The following CADPS variants were observed in gnomAD, a reference collection of about 807,000 sequenced individuals.
The protein encoded by CADPS is calcium dependent secretion activator.
Under a neutral mutation model 167.3 loss-of-function variants are expected in CADPS, and 57 were observed. That is an observed-to-expected ratio of 0.34 (90% CI 0.28 to 0.42). The LOEUF (loss-of-function observed/expected upper bound fraction) is 0.42, where lower values mean the gene tolerates loss of function less well. CADPS is among the 20% of genes least tolerant of loss of function. CADPS has a pLI of 1.00. For missense variants in CADPS, 1,414 were observed against 1,738.1 expected (o/e 0.81, Z 3.32); for synonymous variants, 676 against 635.3 (o/e 1.06, Z -0.96).
chr3:62,686,302 A>T (rs1274154126), intron 3 of CADPS, among the ~76,000 whole-genome samples: 3 of 152,080 alleles, frequency 2.0e-5, no homozygotes, highest in Non-Finnish European at 2.9e-5. Flanking sequence ...GTCTTCCTGC[A>T]GAGGGAAAAC....
intron 3 of CADPS, among the ~76,000 whole-genome samples, chr3:62,746,608 G>A (rs139856705): frequency 3.3e-5 from 5 of 152,236 alleles, no homozygotes; most frequent in African/African-American, 1.2e-4. Flanking sequence ...AAAGTGTTGG[G>A]ATTTCAGATG....
At chr3:62,716,660 A>G (rs1266548278) in intron 3 of CADPS, among the ~76,000 whole-genome samples, 1 of 152,228 alleles carries the variant, frequency 6.6e-6, no homozygotes, top group Admixed American at 6.5e-5. Context: ...CAGAGCAATG[A>G]CATGATCTTT....
intron 6 of CADPS, among the ~76,000 whole-genome samples, chr3:62,615,033 T>A (rs2062043433): frequency 6.6e-6 from 1 of 152,106 alleles, no homozygotes; most frequent in Non-Finnish European, 1.5e-5. Flanking sequence ...GGATGAAAAT[T>A]TGTCAAGGAT....
intron 3 of CADPS, among the ~76,000 whole-genome samples, chr3:62,693,797 A>AG (rs1460050605): frequency 6.6e-6 from 1 of 151,502 alleles, no homozygotes; most frequent in Non-Finnish European, 1.5e-5. Context: ...AAAAAAAAAA[A>AG]AAATTCTATT....
rs770612388 is a variant in CADPS at position 62,766,005 on chromosome 3, G to A, written c.442-21C>T. ...CTGATCTGTAAGAAACAGAAAAAGA[G>A]GGAAATGTGAGAACTTGTCCTAGAC... On this transcript the variant is annotated intron_variant, in intron 1 of 29. Coordinates refer to ENST00000383710, the MANE Select transcript of CADPS (RefSeq NM_003716.4). 5 of 1,543,634 alleles carry A rather than the reference G, an allele frequency of 3.2e-6. No homozygotes were observed. In the South Asian group the frequency reaches 4.5e-5, roughly 14 times the overall value.
intron 13 of CADPS, among the ~76,000 whole-genome samples, chr3:62,522,368 G>T (rs549422273): frequency 6.6e-6 from 1 of 152,062 alleles, no homozygotes; most frequent in East Asian, 1.9e-4. Flanking sequence ...CTAACTCCTG[G>T]GCTCAAGGGA....
chr3:62,608,058 T>A lies in CADPS; in HGVS notation c.1326-15310A>T, dbSNP rs74871182. 8.3e-3 allele frequency among the ~76,000 whole-genome samples: 1,270 copies of A among 152,184 alleles called. 15 individuals are homozygous for A. The highest frequency in any genetic ancestry group is 0.029 in the African/African-American group (1,197 of 41,532). On this transcript the variant is annotated intron_variant, in intron 6 of 29. Transcript: ENST00000383710. The stretch of plus-strand genomic sequence containing the variant: ...GTGATGAATCTCAGTTGTAGAGAAA[T>A]AACTGGACCCTGGTATATTGACACT...
intron 1 of CADPS, among the ~76,000 whole-genome samples, chr3:62,814,116 T>C (rs2094506318): frequency 6.6e-6 from 1 of 152,186 alleles, no homozygotes; most frequent in African/African-American, 2.4e-5. Context: ...AATCTATTGG[T>C]AGATGCTGAA....
At chr3:62,406,649 T>C (rs1426812650) in intron 28 of CADPS, among the ~76,000 whole-genome samples, 1 of 152,170 alleles carries the variant, frequency 6.6e-6, no homozygotes, top group South Asian at 2.1e-4. Context: ...ACTTGCTAAA[T>C]AAAGCTACTT....
At chr3:62,793,813 G>A (rs2093163216) in intron 1 of CADPS, among the ~76,000 whole-genome samples, 1 of 152,204 alleles carries the variant, frequency 6.6e-6, no homozygotes, top group African/African-American at 2.4e-5. Context: ...ATATTTGTTT[G>A]ATGATTTTGT....
intron 3 of CADPS, among the ~76,000 whole-genome samples, chr3:62,672,371 C>A (rs916847906): frequency 6.6e-6 from 1 of 152,142 alleles, no homozygotes. Flanking sequence ...CTTTTTGGAA[C>A]GTGCATTTGC....
At chr3:62,705,719 C>A (rs1045684668) in intron 3 of CADPS, among the ~76,000 whole-genome samples, 1 of 152,118 alleles carries the variant, frequency 6.6e-6, no homozygotes, top group Admixed American at 6.5e-5. Flanking sequence ...GACTGGCTTC[C>A]TTCTTCCTCA....
intron 1 of CADPS, among the ~76,000 whole-genome samples, chr3:62,804,090 T>G (rs2093941866): frequency 6.6e-6 from 1 of 152,114 alleles, no homozygotes; most frequent in Non-Finnish European, 1.5e-5. Flanking sequence ...ACAGCCCTGG[T>G]CACAATCAGG....
chr3:62,652,399 C>CAAAA (rs57075270), intron 4 of CADPS, among the ~76,000 whole-genome samples: 1 of 120,248 alleles, frequency 8.3e-6, no homozygotes. Flanking sequence ...TCTGTGTGGC[C>CAAAA]AAAAAAAAAA....
chr3:62,604,313 G>C (rs1032477344), intron 6 of CADPS, among the ~76,000 whole-genome samples: 2 of 152,134 alleles, frequency 1.3e-5, no homozygotes, highest in African/African-American at 4.8e-5. Flanking sequence ...GCAGTGGTTT[G>C]CCCTGTAACC....
intron 3 of CADPS, among the ~76,000 whole-genome samples, chr3:62,701,626 A>C (rs1371831647): frequency 6.6e-6 from 1 of 151,476 alleles, no homozygotes; most frequent in Non-Finnish European, 1.5e-5. Flanking sequence ...AAAAAAAGAA[A>C]GAAAGAAAGG....
At chr3:62,696,119 A>G (rs1876251) in intron 3 of CADPS, among the ~76,000 whole-genome samples, 109,063 of 151,912 alleles carry the variant, frequency 0.72, 39,587 homozygotes, top group East Asian at 0.95. Flanking sequence ...GACCTGGGCC[A>G]CTAATTAAGT....
chr3:62,563,901 A>G (rs2152399599), intron 9 of CADPS, among the ~76,000 whole-genome samples: 1 of 152,314 alleles, frequency 6.6e-6, no homozygotes, highest in South Asian at 2.1e-4. Flanking sequence ...GTAGTATTCC[A>G]TCATATATAT....
chr3:62,844,717 T>A (rs556292363), intron 1 of CADPS, among the ~76,000 whole-genome samples: 16 of 152,284 alleles, frequency 1.1e-4, no homozygotes, highest in African/African-American at 3.6e-4. Flanking sequence ...ACTAATGCGA[T>A]TGGGAAAATC....
Sources: gnomAD v4.1 joint callset for allele counts (sites outside exome capture counted in the v4.1 genomes callset) on GRCh38, gnomAD v4.1.1 for gene constraint, MANE v1.5 for transcripts, NCBI Gene and HGNC (gene_info 2026-07-23, HGNC 2026-07-21) for gene names.